SCIN: variants seen among roughly 807,000 people sequenced by gnomAD.
SCIN encodes the protein scinderin.
In SCIN, 91 loss-of-function variants were observed where a neutral mutation model predicts 91.8. That is an observed-to-expected ratio of 0.99 (90% CI 0.84 to 1.18). SCIN has a LOEUF of 1.18. Among genes scored for constraint, SCIN ranks in the 50% most tolerant of loss-of-function variants. The pLI, the probability that SCIN is intolerant of heterozygous loss-of-function variation, is 0.00. For missense variants in SCIN, 1,087 were observed against 863.9 expected, an observed-to-expected ratio of 1.26 and a Z score of -3.24; for synonymous variants, 367 against 312.6, an observed-to-expected ratio of 1.17 and a Z score of -1.84.
At chr7:12,634,159 AG>A (rs1783701313) in intron 9 of SCIN, among the ~76,000 whole-genome samples, 1 of 152,152 alleles carries the variant, frequency 6.6e-6, no homozygotes. Flanking sequence ...TCAAAGTTTT[AG>A]AAGAAAAGAT....
chr7:12,659,450 GC>G lies in SCIN; in HGVS notation c.*6737del. The G allele has an allele frequency of 6.6e-6, 1 of 152,302 alleles. No individual in the cohort carries two copies. Among genetic ancestry groups the G allele is most frequent in the East Asian group, 1.9e-4 (1 of 5,186 alleles). The allele number at this position is 152,302 out of a possible 1,614,324, so 9.4% of individuals were successfully genotyped here. On this transcript the variant is annotated 3_prime_UTR_variant, in exon 16 of 16. Coordinates refer to ENST00000297029, the MANE Select transcript of SCIN (RefSeq NM_001112706.3). ...GCAGGAGATTCCCTTAACTGGTGAT[GC>G]CTGAAGTTGGGATAAAGAGTCTTCC... is the stretch of plus-strand genomic sequence containing the variant.
In SCIN at chr7:12,659,269, T is replaced by A. The variant is rs1301569419; in HGVS notation, c.*6554T>A. 1 of 152,262 alleles carries A rather than the reference T, an allele frequency of 6.6e-6. No homozygotes were observed. The highest frequency in any genetic ancestry group is 1.5e-5 in the Non-Finnish European group (1 of 68,070). The allele number at this position is 152,262 out of a possible 1,614,324, so 9.4% of individuals were successfully genotyped here. ...CCGCACCCAGCCCTATTTATGTTTT[T>A]TAAAAGCACCATTTACCACCCATTT... is the stretch of plus-strand genomic sequence containing the variant. On this transcript the variant is annotated 3_prime_UTR_variant, in exon 16 of 16. Transcript: ENST00000297029.
chr7:12,633,290 G>C (rs973927671), intron 9 of SCIN, among the ~76,000 whole-genome samples: 1 of 152,158 alleles, frequency 6.6e-6, no homozygotes, highest in Non-Finnish European at 1.5e-5. Flanking sequence ...AGATGACAAT[G>C]ATGAATCTCT....
In SCIN at chr7:12,577,837, CAG is replaced by C. The variant is rs1782406613; in HGVS notation, c.200-224_200-223del. 4 of 464,382 alleles carry C rather than the reference CAG, an allele frequency of 8.6e-6. 1 individual carries two copies. In the East Asian group the frequency reaches 1.5e-4, roughly 17 times the overall value. The allele number at this position is 464,382 out of a possible 1,614,324, so 28.8% of individuals were successfully genotyped here. A position where few individuals can be genotyped will look rare whatever the true frequency, so the allele number is the denominator to read the frequency against. ...TGCCATTGCATTCCAGGCTTAGCAA[CAG>C]AGCAACACCCTCTCTCAAAAAAAAA... On this transcript the variant is annotated intron_variant, in intron 1 of 15. Coordinates refer to ENST00000297029, the MANE Select transcript of SCIN (RefSeq NM_001112706.3).
Position 12,660,181 on chromosome 7 carries a change from A to G in SCIN, c.*7466A>G, listed in dbSNP as rs1198798292. 2 of 153,122 alleles carry G rather than the reference A, an allele frequency of 1.3e-5. No homozygotes were observed. Among genetic ancestry groups the G allele is most frequent in the African/African-American group, 4.8e-5 (2 of 41,396 alleles). 9.5% of individuals were successfully genotyped at this position (153,122 alleles called of 1,614,324 possible). A position where few individuals can be genotyped will look rare whatever the true frequency, so the allele number is the denominator to read the frequency against. ...AATAAACAGCCTTGTTGCTAACCCA[A>G]AGCCTGTTTGGTGGTCTCTTTACAT... On this transcript the variant is annotated 3_prime_UTR_variant, in exon 16 of 16. Transcript: ENST00000297029.
chr7:12,635,397 G>A (rs1158654741), intron 9 of SCIN, among the ~76,000 whole-genome samples: 1 of 151,256 alleles, frequency 6.6e-6, no homozygotes, highest in African/African-American at 2.4e-5. Flanking sequence ...AGATCATGAG[G>A]TCAGGAGTTT....
intron 1 of SCIN, among the ~76,000 whole-genome samples, chr7:12,574,318 A>G (rs1025725243): frequency 3.0e-4 from 46 of 152,280 alleles, no homozygotes; most frequent in Non-Finnish European, 3.1e-4. Flanking sequence ...TCCCATTTAT[A>G]TAAAATTTTT....
chr7:12,613,387 C>A (rs1783236584), intron 4 of SCIN, among the ~76,000 whole-genome samples: 2 of 152,140 alleles, frequency 1.3e-5, no homozygotes, highest in African/African-American at 4.8e-5. Context: ...ATAGTATTTA[C>A]TTCGTATCAG....
intron 4 of SCIN, among the ~76,000 whole-genome samples, chr7:12,616,636 C>G (rs564094855): frequency 3.3e-4 from 51 of 152,266 alleles, no homozygotes; most frequent in African/African-American, 1.2e-3. Flanking sequence ...AGACTCAGCT[C>G]TTTCCCACAG....
chr7:12,577,667 C>T (rs1486130533), intron 1 of SCIN: 1 of 441,292 alleles, frequency 2.3e-6, no homozygotes, highest in Non-Finnish European at 4.5e-6. Flanking sequence ...GCCTGGGCAA[C>T]ATATGGAGAC....
chr7:12,603,367 A>G (rs751037366), intron 3 of SCIN, among the ~76,000 whole-genome samples: 2 of 151,956 alleles, frequency 1.3e-5, no homozygotes, highest in Admixed American at 6.6e-5. Context: ...GATATTCTCA[A>G]TCTCCTGACC....
At chr7:12,601,367 G>T (rs1782954753) in intron 3 of SCIN, among the ~76,000 whole-genome samples, 1 of 152,104 alleles carries the variant, frequency 6.6e-6, no homozygotes, top group South Asian at 2.1e-4. Flanking sequence ...CATTTCTCTG[G>T]ATGTTTTATT....
chr7:12,630,746 T>C (rs1783625774), intron 9 of SCIN, among the ~76,000 whole-genome samples: 1 of 152,222 alleles, frequency 6.6e-6, no homozygotes, highest in Admixed American at 6.5e-5. Flanking sequence ...ATTAGACAGA[T>C]TAAGTAATTT....
intron 3 of SCIN, among the ~76,000 whole-genome samples, chr7:12,597,486 T>G (rs849769): frequency 6.6e-6 from 1 of 152,156 alleles, no homozygotes; most frequent in Non-Finnish European, 1.5e-5. Flanking sequence ...GCATAGGCTG[T>G]TTTGGGTGCT....
intron 2 of SCIN, 23 bp from the exon 3 acceptor site, chr7:12,581,037 G>C: frequency 6.5e-7 from 1 of 1,545,498 alleles, no homozygotes; most frequent in Non-Finnish European, 8.7e-7. Context: ...TTTTTTGTGT[G>C]TCTGTCTTCC....
chr7:12,584,466 A>T (rs1782548184), intron 3 of SCIN, among the ~76,000 whole-genome samples: 1 of 152,250 alleles, frequency 6.6e-6, no homozygotes, highest in South Asian at 2.1e-4. Flanking sequence ...TATTATTAAT[A>T]TGTTATTCCA....
At chr7:12,630,638 A>C (rs1783622997) in intron 9 of SCIN, among the ~76,000 whole-genome samples, 1 of 152,250 alleles carries the variant, frequency 6.6e-6, no homozygotes, top group Non-Finnish European at 1.5e-5. Context: ...ATGTCGTCTT[A>C]ATAGCAACCA....
chr7:12,581,779 A>G (rs1403704111), intron 3 of SCIN, among the ~76,000 whole-genome samples: 1 of 152,232 alleles, frequency 6.6e-6, no homozygotes, highest in East Asian at 1.9e-4. Flanking sequence ...CCTGGAAAAG[A>G]CGCTCCTCTA....
intron 4 of SCIN, among the ~76,000 whole-genome samples, chr7:12,616,990 A>G (rs1441554110): frequency 2.6e-5 from 4 of 152,194 alleles, no homozygotes; most frequent in African/African-American, 9.6e-5. Flanking sequence ...AGATTTTGAC[A>G]AAGGTACATT....
Sources: allele counts gnomAD v4.1 joint callset (sites outside exome capture counted in the v4.1 genomes callset), GRCh38; gene constraint gnomAD v4.1.1; transcripts MANE v1.5; gene names NCBI Gene and HGNC (gene_info 2026-07-23, HGNC 2026-07-21).